Variants in ABCB10 observed in about 807,000 individuals in gnomAD.
The protein encoded by ABCB10 is ATP-binding cassette sub-family B member 10, mitochondrial.
ABCB10 carries 54 observed loss-of-function variants against 65.4 expected under a neutral mutation model. The ratio of observed to expected loss-of-function variants is 0.83; its 90% CI spans 0.66 to 1.04. The LOEUF is 1.04. Ranked by LOEUF, ABCB10 falls within the 50% of genes least tolerant of loss-of-function variation. ABCB10 has a pLI of 0.00. For missense variants in ABCB10, 846 were observed against 976.6 expected (o/e 0.87, Z 1.78); for synonymous variants, 418 against 406.5 (o/e 1.03, Z -0.34).
At chr1:229,549,540 T>C (rs1663056635) in intron 1 of ABCB10, 106 bp from the exon 2 acceptor site, 3 of 1,063,970 alleles carry the variant, frequency 2.8e-6, no homozygotes, top group East Asian at 2.6e-5. Flanking sequence ...AGAGTATGCG[T>C]TGATCTCAGT....
Position 229,546,571 on chromosome 1 carries a change from A to G in ABCB10, c.921+928T>C, listed in dbSNP as rs914619817. Reference sequence around the variant, plus strand: ...TTGTTTATACTGGCTTAAACAAAACATTATTAAAATTAATCTCAGCCAGGT... The same window carrying G: ...TTGTTTATACTGGCTTAAACAAAACGTTATTAAAATTAATCTCAGCCAGGT... On this transcript the variant is annotated intron_variant, in intron 3 of 12. Coordinates refer to ENST00000344517, the MANE Select transcript of ABCB10 (RefSeq NM_012089.3). Among the ~76,000 whole-genome samples, 6 of 152,186 alleles carry G rather than the reference A, an allele frequency of 3.9e-5. No homozygotes were observed. The East Asian group carries it at 1.2e-3, about 29-fold the overall frequency.
chr1:229,558,113 G>A (rs981254258), intron 1 of ABCB10, 23 bp downstream of exon 1: 7 of 1,343,770 alleles, frequency 5.2e-6, no homozygotes, highest in Non-Finnish European at 6.7e-6. Context: ...CCGGCGGAGG[G>A]AAGTGGCCGG....
chr1:229,527,346 G>T, intron 8 of ABCB10, 38 bp from the exon 9 acceptor site: 1 of 1,570,030 alleles, frequency 6.4e-7, no homozygotes, highest in Non-Finnish European at 8.7e-7. Context: ...GTCACTGAGT[G>T]TGATGAGGCT....
At position 229,541,792 on chromosome 1, in the gene ABCB10, T is replaced by C. The variant is rs1018911020; in HGVS notation, c.1056+445A>G. 7.2e-5 allele frequency among the ~76,000 whole-genome samples: 11 copies of C among 151,880 alleles called. No individual in the cohort carries two copies. In the East Asian group the frequency reaches 2.1e-3, roughly 30 times the overall value. On this transcript the variant is annotated intron_variant, in intron 4 of 12. Transcript: ENST00000344517. Reference sequence around the variant, plus strand: ...ATGTCTCTACAAAAAATTTTAAAAATTAGTGGGCATGGTGGCATGGGGCGA... The same window carrying C: ...ATGTCTCTACAAAAAATTTTAAAAACTAGTGGGCATGGTGGCATGGGGCGA...
intron 3 of ABCB10, among the ~76,000 whole-genome samples, chr1:229,543,570 A>C (rs1232513335): frequency 6.6e-6 from 1 of 152,224 alleles, no homozygotes; most frequent in East Asian, 1.9e-4. Context: ...AGCCCACGTT[A>C]CTGAGTGCAA....
chr1:229,528,663 AC>A (rs1418940780), intron 8 of ABCB10, among the ~76,000 whole-genome samples: 1 of 152,122 alleles, frequency 6.6e-6, no homozygotes, highest in African/African-American at 2.4e-5. Flanking sequence ...GCACAAAGAC[AC>A]AAAACATTCA....
rs1400408997 is a variant in ABCB10 at position 229,558,536 on chromosome 1, G to A, written c.117C>T (p.Ser39=). 12 of 1,438,660 alleles carry A rather than the reference G, an allele frequency of 8.3e-6. No homozygotes were observed. The highest frequency in any genetic ancestry group is 2.5e-5 in the Admixed American group (1 of 40,090). The allele number at this position is 1,438,660 out of a possible 1,614,324, so 89.1% of individuals were successfully genotyped here. A position where few individuals can be genotyped will look rare whatever the true frequency, so the allele number is the denominator to read the frequency against. Residue 39 remains serine (S), a synonymous_variant, in exon 1 of 13, where the codon TCC becomes TCT. Coordinates refer to ENST00000344517, the MANE Select transcript of ABCB10 (RefSeq NM_012089.3). ...GCCTCAGGCCAGTGAACGGCGATAG[G>A]GACCCGGGAACGCGGCTGGCCGCGG... ...VWAAASRVPG[S]LSPFTGLRPA...
chr1:229,516,651 C>A lies in ABCB10; in HGVS notation c.*1528G>T, dbSNP rs772928296. 20 of 151,740 alleles carry A rather than the reference C, an allele frequency of 1.3e-4. No individual in the cohort carries two copies. The highest frequency in any genetic ancestry group is 2.8e-4 in the Non-Finnish European group (19 of 67,942). The allele number at this position is 151,740 out of a possible 1,614,324, so 9.4% of individuals were successfully genotyped here. On this transcript the variant is annotated 3_prime_UTR_variant, in exon 13 of 13. Transcript: ENST00000344517. ...AAAGATAAAATTGAACATCATGTAT[C>A]AGAAAATAAAACATAACAATGAAAT... is the stretch of plus-strand genomic sequence containing the variant.
At chr1:229,537,445 G>A (rs1316948965) in intron 6 of ABCB10, among the ~76,000 whole-genome samples, 3 of 152,104 alleles carry the variant, frequency 2.0e-5, no homozygotes, top group African/African-American at 7.2e-5. Context: ...GTAGATTATA[G>A]AATCATTTTA....
intron 6 of ABCB10, 106 bp from the exon 7 acceptor site, chr1:229,531,837 T>C: frequency 2.4e-6 from 2 of 828,004 alleles, no homozygotes; most frequent in Non-Finnish European, 1.8e-6. Context: ...ATAAAATCTG[T>C]TATTAATATT....
intron 11 of ABCB10, among the ~76,000 whole-genome samples, chr1:229,519,780 C>CCG (rs1379669819): frequency 6.6e-6 from 1 of 151,552 alleles, no homozygotes; most frequent in African/African-American, 2.4e-5. Flanking sequence ...CAGAGTGAGA[C>CCG]TCTGTCTCAG....
intron 10 of ABCB10, 56 bp downstream of exon 10, chr1:229,525,880 A>T: frequency 6.5e-7 from 1 of 1,534,272 alleles, no homozygotes. Context: ...AACAAGAAAC[A>T]TGTGAAAAGT....
chr1:229,557,830 C>T (rs575484248), intron 1 of ABCB10, among the ~76,000 whole-genome samples: 103 of 152,110 alleles, frequency 6.8e-4, no homozygotes, highest in Non-Finnish European at 1.2e-3. Context: ...GCTGCCTAAG[C>T]CAAAACAGAT....
intron 2 of ABCB10, among the ~76,000 whole-genome samples, chr1:229,548,065 G>A (rs994878526): frequency 2.7e-5 from 4 of 150,552 alleles, no homozygotes; most frequent in Non-Finnish European, 5.9e-5. Flanking sequence ...GAAGTGGCAC[G>A]ATCACAGTTC....
At chr1:229,525,642 T>C (rs1662422382) in intron 10 of ABCB10, among the ~76,000 whole-genome samples, 1 of 152,106 alleles carries the variant, frequency 6.6e-6, no homozygotes, top group Non-Finnish European at 1.5e-5. Flanking sequence ...AGATCAAGAC[T>C]ATCCTGGCTA....
chr1:229,530,619 C>T (rs187535282), intron 7 of ABCB10, among the ~76,000 whole-genome samples: 9 of 152,234 alleles, frequency 5.9e-5, no homozygotes, highest in South Asian at 2.1e-4. Flanking sequence ...GTACTATATA[C>T]GTAGACGGTC....
intron 6 of ABCB10, chr1:229,535,229 T>C (rs1662690889): frequency 6.6e-6 from 1 of 152,048 alleles, no homozygotes; most frequent in Non-Finnish European, 1.5e-5. Context: ...TTATACTCCT[T>C]GGTATTTACC....
At chr1:229,549,158 T>C in intron 2 of ABCB10, 76 bp downstream of exon 2, 1 of 1,514,910 alleles carries the variant, frequency 6.6e-7, no homozygotes, top group Non-Finnish European at 9.2e-7. Flanking sequence ...GCACATGAGA[T>C]TTGAGCCCGA....
rs113629463 is a variant in ABCB10, at chr1:229,552,524, CT to C, written c.518-3091del. ...TGCAGCAAAGATGGAAACAAATATCCTTCAAAAGAAAGGGGAAGGAAAATCT... is the reference window on the plus strand; with the variant it reads ...TGCAGCAAAGATGGAAACAAATATCCTCAAAAGAAAGGGGAAGGAAAATCT... On this transcript the variant is annotated intron_variant, in intron 1 of 12. Coordinates refer to ENST00000344517, the MANE Select transcript of ABCB10 (RefSeq NM_012089.3). Among the ~76,000 whole-genome samples the C allele has an allele frequency of 6.9e-3, 1,057 of 152,298 alleles. 12 individuals carry two copies. Among genetic ancestry groups the C allele is most frequent in the African/African-American group, 0.024 (996 of 41,554 alleles).
Sources: gnomAD v4.1 joint callset for allele counts (sites outside exome capture counted in the v4.1 genomes callset) on GRCh38, gnomAD v4.1.1 for gene constraint, MANE v1.5 for transcripts, NCBI Gene and HGNC (gene_info 2026-07-23, HGNC 2026-07-21) for gene names.